GRK5: variants seen among roughly 807,000 people sequenced by gnomAD.
GRK5 encodes g protein-coupled receptor kinase GRK5.
Under a neutral mutation model 78.4 loss-of-function variants are expected in GRK5, and 40 were observed. That is an observed-to-expected ratio of 0.51 (90% CI 0.40 to 0.66). The LOEUF is 0.66. Among genes scored for constraint, GRK5 ranks in the 30% least tolerant of loss-of-function variants. GRK5 has a pLI of 0.00. For synonymous variants in GRK5, 289 were observed against 296.8 expected (o/e 0.97, Z 0.27); for missense variants, 598 against 759.9 (o/e 0.79, Z 2.50).
chr10:119,449,948 C>T (rs975544648), intron 13 of GRK5, among the ~76,000 whole-genome samples: 1 of 152,176 alleles, frequency 6.6e-6, no homozygotes, highest in Non-Finnish European at 1.5e-5. Context: ...ATGCAGTCCC[C>T]AGGGAGTCTG....
chr10:119,238,321 C>T lies in GRK5; in HGVS notation c.52+30352C>T, dbSNP rs1174334878. ...ATCTCAATTAAACTTTGGACTGGCT[C>T]ATCCAGGGAGGTGGCGCGATTTCCT... On this transcript the variant is annotated intron_variant, in intron 1 of 15. Coordinates refer to ENST00000392870, the MANE Select transcript of GRK5 (RefSeq NM_005308.3). The surrounding 1 kb of genome is among the most constrained non-coding windows in gnomAD (Gnocchi z 4.7). Among the ~76,000 whole-genome samples the T allele has an allele frequency of 1.3e-5, 2 of 152,068 alleles. No homozygotes were observed. Among genetic ancestry groups the T allele is most frequent in the Non-Finnish European group, 2.9e-5 (2 of 68,006 alleles).
At chr10:119,427,980 G>A (rs57015719) in intron 6 of GRK5, among the ~76,000 whole-genome samples, 8,791 of 152,212 alleles carry the variant, frequency 0.058, 417 homozygotes, top group East Asian at 0.16. Context: ...CAGCATCACC[G>A]CCATCAACAG....
At chr10:119,214,675 A>G (rs1272174126) in intron 1 of GRK5, among the ~76,000 whole-genome samples, 1 of 152,050 alleles carries the variant, frequency 6.6e-6, no homozygotes, top group Non-Finnish European at 1.5e-5. Flanking sequence ...TCGTGCCAAC[A>G]TGCCTGGCTA....
intron 12 of GRK5, among the ~76,000 whole-genome samples, chr10:119,447,087 G>A (rs754892925): frequency 3.6e-4 from 55 of 152,252 alleles, no homozygotes; most frequent in Non-Finnish European, 6.8e-4. Flanking sequence ...GGCACTGGGA[G>A]TGCAGGTCAG....
intron 12 of GRK5, among the ~76,000 whole-genome samples, chr10:119,446,691 C>A (rs181815006): frequency 1.3e-5 from 2 of 152,156 alleles, no homozygotes; most frequent in African/African-American, 4.8e-5. Context: ...TCCGTGGGGG[C>A]GTTAAGGGGC....
At chr10:119,396,227 G>A (rs765191999) in intron 3 of GRK5, among the ~76,000 whole-genome samples, 20 of 152,224 alleles carry the variant, frequency 1.3e-4, no homozygotes, top group Non-Finnish European at 2.8e-4. Flanking sequence ...AATTGTCTAC[G>A]ATCACACAGC....
rs1330723803 is a variant in GRK5, at chr10:119,397,509, G to T, written c.339+737G>T. On this transcript the variant is annotated intron_variant, in intron 4 of 15. Transcript: ENST00000392870. ...CCTGTCAGACTCACCTCCCGGAGGTGTTGAGAGCCTGAGATGGGACCTGTG... is the reference window on the plus strand; with the variant it reads ...CCTGTCAGACTCACCTCCCGGAGGTTTTGAGAGCCTGAGATGGGACCTGTG... Among the ~76,000 whole-genome samples, 4 of 152,316 alleles carry T rather than the reference G, an allele frequency of 2.6e-5. No homozygotes were observed. The East Asian group carries it at 7.7e-4, about 29-fold the overall frequency.
intron 12 of GRK5, among the ~76,000 whole-genome samples, chr10:119,444,135 C>T (rs1387390841): frequency 6.6e-6 from 1 of 152,150 alleles, no homozygotes; most frequent in Non-Finnish European, 1.5e-5. Context: ...GGGCCTCCTG[C>T]TCCCTCCACC....
At position 119,238,058 on chromosome 10, in the gene GRK5, G is replaced by A. The variant is rs1039674590; in HGVS notation, c.52+30089G>A. Among the ~76,000 whole-genome samples the A allele has an allele frequency of 6.6e-6, 1 of 152,154 alleles. No individual in the cohort carries two copies. Among genetic ancestry groups the A allele is most frequent in the African/African-American group, 2.4e-5 (1 of 41,424 alleles). ...AACTAAAGGGCTTGAGGGTGAGGGG[G>A]TGCTGATCTAGGGAGGAAGGAGGTT... On this transcript the variant is annotated intron_variant, in intron 1 of 15. Coordinates refer to ENST00000392870, the MANE Select transcript of GRK5 (RefSeq NM_005308.3). This position sits in a 1 kb window ranked among gnomAD's most constrained non-coding sequence, Gnocchi z 4.7.
At chr10:119,337,919 G>C (rs1850920256) in intron 2 of GRK5, among the ~76,000 whole-genome samples, 1 of 152,122 alleles carries the variant, frequency 6.6e-6, no homozygotes, top group African/African-American at 2.4e-5. Context: ...ACCACACCTG[G>C]CCAAGTTTCC....
chr10:119,426,916 T>G (rs1852692014), intron 6 of GRK5, among the ~76,000 whole-genome samples: 1 of 152,216 alleles, frequency 6.6e-6, no homozygotes, highest in South Asian at 2.1e-4. Flanking sequence ...ATCATCAGCA[T>G]CACTGCTGTT....
At chr10:119,402,553 T>C (rs1425678606) in intron 4 of GRK5, among the ~76,000 whole-genome samples, 1 of 152,186 alleles carries the variant, frequency 6.6e-6, no homozygotes, top group Non-Finnish European at 1.5e-5. Flanking sequence ...AGATGACTTT[T>C]TGAAATACCA....
intron 1 of GRK5, among the ~76,000 whole-genome samples, chr10:119,255,004 A>T (rs1431346073): frequency 7.1e-6 from 1 of 141,096 alleles, no homozygotes; most frequent in African/African-American, 2.7e-5. Flanking sequence ...GCGCCATTGC[A>T]CTCCAGCCTG....
At chr10:119,373,374 G>A (rs1267570912) in intron 2 of GRK5, among the ~76,000 whole-genome samples, 1 of 152,158 alleles carries the variant, frequency 6.6e-6, no homozygotes, top group Non-Finnish European at 1.5e-5. Flanking sequence ...GGGACCTGTT[G>A]GGAGGTAATT....
intron 1 of GRK5, among the ~76,000 whole-genome samples, chr10:119,305,628 C>T (rs1589733452): frequency 6.6e-6 from 1 of 152,156 alleles, no homozygotes; most frequent in East Asian, 1.9e-4. Context: ...GACCCTAAGA[C>T]CTGAGGACTT....
At chr10:119,413,647 C>T (rs993980402) in intron 4 of GRK5, among the ~76,000 whole-genome samples, 1 of 152,114 alleles carries the variant, frequency 6.6e-6, no homozygotes, top group African/African-American at 2.4e-5. Context: ...AGGAATGAGA[C>T]CACATTCCTC....
intron 1 of GRK5, among the ~76,000 whole-genome samples, chr10:119,275,517 T>A (rs536506514): frequency 6.6e-6 from 1 of 152,068 alleles, no homozygotes; most frequent in African/African-American, 2.4e-5. Flanking sequence ...CTTTATTTCC[T>A]ATGATAAATG....
chr10:119,453,561 C>T (rs72839233), intron 15 of GRK5, among the ~76,000 whole-genome samples: 138 of 152,316 alleles, frequency 9.1e-4, no homozygotes, highest in African/African-American at 3.0e-3. Context: ...GTCACAGTGC[C>T]GTCCTGTGCA....
In GRK5 at chr10:119,453,204, G is replaced by A. The variant is rs142293372; in HGVS notation, c.1602G>A (p.Pro534=). ...LNVFGPNGTL[P]PDLNRNHPPE... ...TGTTTGGACCTAATGGTACCCTCCC[G>A]CCAGATCTGAACAGAAACCACCCTC... The change falls in exon 15 of 16, where the codon CCG becomes CCA. Residue 534 remains proline (P), a synonymous_variant. Transcript: ENST00000392870. 5.7e-5 allele frequency: 92 copies of A among 1,607,832 alleles called. No homozygotes were observed. The highest frequency in any genetic ancestry group is 5.7e-4 in the South Asian group (52 of 90,966).
Sources: allele counts gnomAD v4.1 joint callset (sites outside exome capture counted in the v4.1 genomes callset), GRCh38; gene constraint gnomAD v4.1.1; non-coding constraint Gnocchi (gnomAD v3.1); transcripts MANE v1.5; gene names NCBI Gene and HGNC (gene_info 2026-07-23, HGNC 2026-07-21).